Variants in NKAIN3 observed in about 807,000 individuals in gnomAD.
NKAIN3 encodes the protein sodium/potassium transporting ATPase interacting 3.
A neutral mutation model predicts 30.2 loss-of-function variants in NKAIN3; 25 were observed. The observed-to-expected ratio is 0.83, with a 90% confidence interval of 0.60 to 1.16. NKAIN3 has a LOEUF of 1.16. NKAIN3 is among the 50% of genes most tolerant of loss of function. The pLI, the probability that NKAIN3 is intolerant of heterozygous loss-of-function variation, is 0.00. For missense variants in NKAIN3, 225 were observed against 254.1 expected (o/e 0.89, Z 0.78); for synonymous variants, 91 against 89.6 (o/e 1.02, Z -0.09).
chr8:62,686,028 C>T (rs1015480075), intron 3 of NKAIN3, among the ~76,000 whole-genome samples: 10 of 152,164 alleles, frequency 6.6e-5, no homozygotes, highest in African/African-American at 1.7e-4. Flanking sequence ...GATCTCCTTT[C>T]GAGAGAAATC....
chr8:62,553,147 T>TAC (rs1809270452), intron 1 of NKAIN3, among the ~76,000 whole-genome samples: 2 of 152,186 alleles, frequency 1.3e-5, no homozygotes, highest in Admixed American at 1.3e-4. Flanking sequence ...ATTATTCACC[T>TAC]ACTTAATTCC....
intron 5 of NKAIN3, among the ~76,000 whole-genome samples, chr8:62,930,708 CTTT>C (rs5891884): frequency 1.4e-5 from 2 of 145,176 alleles, no homozygotes. Context: ...GAATTTCATC[CTTT>C]TTTTTTTTTT....
At chr8:62,875,986 T>C (rs773361801) in intron 4 of NKAIN3, among the ~76,000 whole-genome samples, 1 of 152,046 alleles carries the variant, frequency 6.6e-6, no homozygotes, top group African/African-American at 2.4e-5. Flanking sequence ...TGAGATCTAA[T>C]TAAACTAAAG....
chr8:62,494,442 G>A (rs1370894225), intron 1 of NKAIN3, among the ~76,000 whole-genome samples: 1 of 152,056 alleles, frequency 6.6e-6, no homozygotes, highest in African/African-American at 2.4e-5. Context: ...GAGGATTTTT[G>A]CATCAATGTT....
chr8:62,282,119 C>T (rs1250117782), intron 1 of NKAIN3, among the ~76,000 whole-genome samples: 3 of 152,054 alleles, frequency 2.0e-5, no homozygotes, highest in African/African-American at 7.2e-5. Context: ...ACAGTTTACT[C>T]TCAAGCCGAC....
At position 62,975,850 on chromosome 8, in the gene NKAIN3, T is replaced by G. The variant is rs2130918640; in HGVS notation, c.*10443T>G. 1.3e-5 allele frequency among the ~76,000 whole-genome samples: 2 copies of G among 152,214 alleles called. No individual in the cohort carries two copies. The highest frequency in any genetic ancestry group is 3.8e-4 in the East Asian group (2 of 5,198). On this transcript the variant is annotated 3_prime_UTR_variant, in exon 7 of 7. Transcript: ENST00000623646. Reference sequence around the variant, plus strand: ...TAAATTTCCTTCTAAGCACTCCCTCTAAGCTCTATCCCAGAGATTCTGGTA... The same window carrying G: ...TAAATTTCCTTCTAAGCACTCCCTCGAAGCTCTATCCCAGAGATTCTGGTA...
At chr8:62,412,611 T>C (rs1054288945) in intron 1 of NKAIN3, among the ~76,000 whole-genome samples, 12 of 151,844 alleles carry the variant, frequency 7.9e-5, no homozygotes, top group Non-Finnish European at 1.3e-4. Flanking sequence ...ACAAATAACC[T>C]TGGCTGGGTG....
chr8:62,392,585 T>C (rs879769773), intron 1 of NKAIN3, among the ~76,000 whole-genome samples: 15 of 152,008 alleles, frequency 9.9e-5, no homozygotes, highest in Non-Finnish European at 2.1e-4. Context: ...AAATGTATTA[T>C]ATTCATTGAA....
At chr8:62,549,072 ATTAACT>A (rs1323130245) in intron 1 of NKAIN3, among the ~76,000 whole-genome samples, 2 of 152,192 alleles carry the variant, frequency 1.3e-5, no homozygotes, top group African/African-American at 4.8e-5. Flanking sequence ...AAAACATTTA[ATTAACT>A]TTAAGAGTGA....
intron 4 of NKAIN3, among the ~76,000 whole-genome samples, chr8:62,761,138 G>GTA (rs1816647979): frequency 6.6e-6 from 1 of 152,042 alleles, no homozygotes; most frequent in East Asian, 1.9e-4. Context: ...GGCTCACAGT[G>GTA]TATACTGCAT....
intron 4 of NKAIN3, among the ~76,000 whole-genome samples, chr8:62,833,641 T>A (rs768857690): frequency 6.6e-6 from 1 of 151,770 alleles, no homozygotes; most frequent in Admixed American, 6.6e-5. Context: ...GAAATTGTAA[T>A]GCTGAACAGA....
intron 1 of NKAIN3, among the ~76,000 whole-genome samples, chr8:62,476,999 A>G (rs756340883): frequency 6.6e-6 from 1 of 152,170 alleles, no homozygotes; most frequent in Non-Finnish European, 1.5e-5. Context: ...CTACAAATGT[A>G]TAGTCAGCTT....
rs1391274067 is a variant in NKAIN3 at position 62,984,487 on chromosome 8, T to G, written c.*19080T>G. The G allele has an allele frequency of 6.6e-6, 1 of 152,212 alleles. No homozygotes were observed. The highest frequency in any genetic ancestry group is 2.4e-5 in the African/African-American group (1 of 41,458). 9.4% of individuals were successfully genotyped at this position (152,212 alleles called of 1,614,324 possible). A position where few individuals can be genotyped will look rare whatever the true frequency, so the allele number is the denominator to read the frequency against. ...ACACTGGAATTCAATGTAAAAATCT[T>G]GAATGATATTTTGTACTGATATGAA... On this transcript the variant is annotated 3_prime_UTR_variant, in exon 7 of 7. Coordinates refer to ENST00000623646, the MANE Select transcript of NKAIN3 (RefSeq NM_001304533.3).
chr8:62,966,175 CA>C lies in NKAIN3; in HGVS notation c.*769del. The C allele has an allele frequency of 2.0e-6, 2 of 985,186 alleles. No homozygotes were observed. The highest frequency in any genetic ancestry group is 2.4e-6 in the Non-Finnish European group (2 of 829,762). 61.0% of individuals were successfully genotyped at this position (985,186 alleles called of 1,614,324 possible). A position where few individuals can be genotyped will look rare whatever the true frequency, so the allele number is the denominator to read the frequency against. On this transcript the variant is annotated 3_prime_UTR_variant, in exon 7 of 7. Coordinates refer to ENST00000623646, the MANE Select transcript of NKAIN3 (RefSeq NM_001304533.3). ...TCCTGACACTGCTGTCAGACCTAAA[CA>C]TACAGCTCATGGGCTTGTGGGACAG... is the stretch of plus-strand genomic sequence containing the variant.
chr8:62,378,624 C>G (rs1817173350), intron 1 of NKAIN3, among the ~76,000 whole-genome samples: 1 of 152,196 alleles, frequency 6.6e-6, no homozygotes. Flanking sequence ...CAGGCTATTG[C>G]TTCAGGGAGT....
intron 1 of NKAIN3, among the ~76,000 whole-genome samples, chr8:62,249,492 C>T (rs914951340): frequency 1.1e-4 from 16 of 152,252 alleles, no homozygotes; most frequent in African/African-American, 3.6e-4. Flanking sequence ...GCTGAAGTTA[C>T]ACGGGGACTT....
At chr8:62,732,663 C>T (rs1041780454) in intron 3 of NKAIN3, among the ~76,000 whole-genome samples, 1 of 152,030 alleles carries the variant, frequency 6.6e-6, no homozygotes, top group Non-Finnish European at 1.5e-5. Context: ...ACACACAGTT[C>T]TGTTCATTTT....
At chr8:62,495,245 A>G (rs939267528) in intron 1 of NKAIN3, among the ~76,000 whole-genome samples, 2 of 152,156 alleles carry the variant, frequency 1.3e-5, no homozygotes, top group Non-Finnish European at 2.9e-5. Context: ...AAAATTAAAA[A>G]TAGATTTAAA....
At chr8:62,642,790 A>G (rs1004161070) in intron 3 of NKAIN3, among the ~76,000 whole-genome samples, 2 of 152,146 alleles carry the variant, frequency 1.3e-5, no homozygotes, top group Non-Finnish European at 2.9e-5. Context: ...TTATGTAGGC[A>G]GATTCCTCCC....
Sources: gnomAD v4.1 joint callset for allele counts (sites outside exome capture counted in the v4.1 genomes callset) on GRCh38, gnomAD v4.1.1 for gene constraint, MANE v1.5 for transcripts, NCBI Gene and HGNC (gene_info 2026-07-23, HGNC 2026-07-21) for gene names.